The following PHGDH variants were observed in gnomAD, a reference collection of about 807,000 sequenced individuals.
PHGDH encodes the protein D-3-phosphoglycerate dehydrogenase.
PHGDH carries 50 observed loss-of-function variants against 52.6 expected under a neutral mutation model. The ratio of observed to expected loss-of-function variants is 0.95; its 90% CI spans 0.76 to 1.20. The LOEUF (loss-of-function observed/expected upper bound fraction) is 1.20. Ranked by LOEUF, PHGDH falls within the 50% of genes most tolerant of loss-of-function variation. The pLI, the probability that PHGDH is intolerant of heterozygous loss-of-function variation, is 0.00. For synonymous variants in PHGDH, 271 were observed against 280.5 expected (o/e 0.97, Z 0.34); for missense variants, 630 against 684.6 (o/e 0.92, Z 0.89).
intron 1 of PHGDH, among the ~76,000 whole-genome samples, chr1:119,717,064 T>C (rs934635040): frequency 6.6e-6 from 1 of 151,780 alleles, no homozygotes; most frequent in Non-Finnish European, 1.5e-5. Context: ...CTATTTTTTA[T>C]TGTGCTCTTT....
chr1:119,712,838 C>A (rs1205314024), intron 1 of PHGDH, among the ~76,000 whole-genome samples: 1 of 152,204 alleles, frequency 6.6e-6, no homozygotes, highest in Admixed American at 6.5e-5. Flanking sequence ...CCTCTGCCTC[C>A]TGGGAGCCTT....
At chr1:119,723,331 A>T (rs781716754) in intron 2 of PHGDH, 45 bp from the exon 3 acceptor site, 5 of 1,443,104 alleles carry the variant, frequency 3.5e-6, no homozygotes, top group Non-Finnish European at 4.9e-6. Flanking sequence ...GAGTGGGAAT[A>T]CTGGGTCTGT....
chr1:119,722,612 G>A (rs1417426557), intron 2 of PHGDH, among the ~76,000 whole-genome samples: 3 of 151,752 alleles, frequency 2.0e-5, no homozygotes, highest in African/African-American at 4.8e-5. Context: ...CTGCGTGTGG[G>A]GGCTCACACC....
chr1:119,712,760 C>T, intron 1 of PHGDH: 1 of 170,726 alleles, frequency 5.9e-6, no homozygotes, highest in East Asian at 1.7e-4. Context: ...GGGAAGGCAG[C>T]CCTCGTAAGG....
chr1:119,743,102 T>C, intron 11 of PHGDH, 58 bp downstream of exon 11: 1 of 1,111,932 alleles, frequency 9.0e-7, no homozygotes, highest in Non-Finnish European at 1.4e-6. Context: ...GGGTCTGCCC[T>C]GGAATTGAAC....
chr1:119,729,205 T>C (rs1413712217), intron 5 of PHGDH, among the ~76,000 whole-genome samples: 1 of 152,204 alleles, frequency 6.6e-6, no homozygotes, highest in East Asian at 1.9e-4. Context: ...GGATCATTGA[T>C]CATGTAAACA....
rs587655370 is a variant in PHGDH at position 119,739,882 on chromosome 1, T to G, written c.946-504T>G. On this transcript the variant is annotated intron_variant, in intron 8 of 11. Transcript: ENST00000641023. ...AGTGGACTTCGCATGCGTTGATATTTGAAGCACGATCATCAAAACTTTGTG... is the reference window on the plus strand; with the variant it reads ...AGTGGACTTCGCATGCGTTGATATTGGAAGCACGATCATCAAAACTTTGTG... 18 of 167,716 alleles carry G rather than the reference T, an allele frequency of 1.1e-4. No individual in the cohort carries two copies. In the South Asian group the frequency reaches 2.7e-3, roughly 25 times the overall value. The allele number at this position is 167,716 out of a possible 1,614,324, so 10.4% of individuals were successfully genotyped here.
At chr1:119,724,002 A>G (rs1651285836) in intron 3 of PHGDH, among the ~76,000 whole-genome samples, 1 of 152,082 alleles carries the variant, frequency 6.6e-6, no homozygotes, top group Non-Finnish European at 1.5e-5. Flanking sequence ...GGTTCATAAC[A>G]CAATGGAACT....
At chr1:119,712,222 C>T (rs1215704997) in intron 1 of PHGDH, 62 bp downstream of exon 1, 5 of 1,504,790 alleles carry the variant, frequency 3.3e-6, no homozygotes, top group South Asian at 2.3e-5. Flanking sequence ...AGGCTGGCTG[C>T]GCCCAGGCCA....
intron 1 of PHGDH, among the ~76,000 whole-genome samples, chr1:119,719,452 C>T (rs1301636167): frequency 2.6e-5 from 4 of 152,154 alleles, no homozygotes; most frequent in African/African-American, 9.7e-5. Flanking sequence ...TGCTTCAGAA[C>T]CTCAGACATA....
chr1:119,743,120 ACCTTCCTTTAGCC>A, intron 11 of PHGDH, 76 bp downstream of exon 11: 1 of 915,496 alleles, frequency 1.1e-6, no homozygotes, highest in Non-Finnish European at 1.8e-6. Context: ...AACTCTACCC[ACCTTCCTTTAGCC>A]CCTCTTCATG....
intron 1 of PHGDH, 133 bp downstream of exon 1, chr1:119,712,293 G>C: frequency 1.3e-6 from 1 of 762,810 alleles, no homozygotes; most frequent in Non-Finnish European, 2.3e-6. Context: ...AGATTGGGGG[G>C]TAGAGAAGAA....
intron 1 of PHGDH, among the ~76,000 whole-genome samples, chr1:119,719,425 C>T (rs1476592472): frequency 6.6e-6 from 1 of 152,176 alleles, no homozygotes; most frequent in Admixed American, 6.5e-5. Flanking sequence ...TTCTTCAAAT[C>T]TCCCACTCTG....
chr1:119,724,527 A>C (rs1651314889), intron 3 of PHGDH: 8 of 359,962 alleles, frequency 2.2e-5, no homozygotes, highest in South Asian at 1.7e-4. Context: ...ACACAGCAGT[A>C]GGGTCTCAGC....
At chr1:119,741,236 A>C (rs1385235646) in intron 9 of PHGDH, among the ~76,000 whole-genome samples, 1 of 152,200 alleles carries the variant, frequency 6.6e-6, no homozygotes, top group Non-Finnish European at 1.5e-5. Flanking sequence ...ACAGTTGGGC[A>C]GAGATTGCAG....
chr1:119,727,557 G>A (rs990002438), intron 5 of PHGDH: 5 of 226,502 alleles, frequency 2.2e-5, no homozygotes, highest in Admixed American at 5.2e-5. Context: ...TTGGCCGGGC[G>A]CGGTGGCTCA....
In PHGDH at chr1:119,724,436, A is replaced by G. The variant is rs138003411; in HGVS notation, c.356+995A>G. On this transcript the variant is annotated intron_variant, in intron 3 of 11. Coordinates refer to ENST00000641023, the MANE Select transcript of PHGDH (RefSeq NM_006623.4). ...GCTCTAACTCCTCCCTGCAGTTTCC[A>G]TCTGAGCTCTCTGGTATTCACTGAT... is the stretch of plus-strand genomic sequence containing the variant. 556 of 281,054 alleles carry G rather than the reference A, an allele frequency of 2.0e-3. 4 individuals carry two copies. The highest frequency in any genetic ancestry group is 4.8e-3 in the Admixed American group (97 of 20,326). 17.4% of individuals were successfully genotyped at this position (281,054 alleles called of 1,614,324 possible).
rs745971935 is a variant in PHGDH, at chr1:119,737,208, G to T, written c.887G>T (p.Gly296Val). Reference sequence around the variant, plus strand: ...ACCAAGGAGGCTCAGAGCCGCTGTGGGGAGGAAATTGCTGTTCAGTTCGTG... The same window carrying T: ...ACCAAGGAGGCTCAGAGCCGCTGTGTGGAGGAAATTGCTGTTCAGTTCGTG... ...ASTKEAQSRC[G>V]EEIAVQFVDM... is the part of the protein sequence containing the mutation. Residue 296 changes from glycine to valine, a missense_variant, in exon 8 of 12, where the codon GGG becomes GTG. Gly to Val is a moderately radical substitution (Grantham distance 109, BLOSUM62 -3). Transcript: ENST00000641023. The T allele has an allele frequency of 1.2e-6, 2 of 1,614,184 alleles. No homozygotes were observed. Among genetic ancestry groups the T allele is most frequent in the South Asian group, 1.1e-5 (1 of 91,076 alleles).
intron 1 of PHGDH, among the ~76,000 whole-genome samples, chr1:119,718,556 A>G (rs745662982): frequency 1.1e-4 from 16 of 152,250 alleles, no homozygotes; most frequent in Non-Finnish European, 2.4e-4. Context: ...AGAGTTAGCC[A>G]GTGGCAATGA....
Sources: gnomAD v4.1 joint callset for allele counts (sites outside exome capture counted in the v4.1 genomes callset) on GRCh38, gnomAD v4.1.1 for gene constraint, MANE v1.5 for transcripts, NCBI Gene and HGNC (gene_info 2026-07-23, HGNC 2026-07-21) for gene names.